CEP152: variants seen among roughly 807,000 people sequenced by gnomAD.
CEP152 encodes the protein centrosomal protein 152, also known as centrosomal protein of 152 kDa.
CEP152 carries 132 observed loss-of-function variants against 188.9 expected under a neutral mutation model. The observed-to-expected ratio is 0.70, with a 90% confidence interval of 0.61 to 0.81. The LOEUF is 0.81. CEP152 is among the 30% of genes least tolerant of loss of function. The pLI, the probability that CEP152 is intolerant of heterozygous loss-of-function variation, is 0.00. For missense variants in CEP152, 1,914 were observed against 1,969.8 expected, an observed-to-expected ratio of 0.97 and a Z score of 0.54; for synonymous variants, 649 against 666.6, an observed-to-expected ratio of 0.97 and a Z score of 0.41.
At position 48,738,685 on chromosome 15, in the gene CEP152, C is replaced by T; in HGVS notation, c.4697G>A (p.Gly1566Glu). ...CCAGCCCAAGCAGTCACTAAGGTCC[C>T]CTCCATCTTTTACTGGAGGTTCCTG... ...DVQEPPVKDG[G>E]DLSDCLGWPS... The change falls in exon 27 of 27, where the codon GGG becomes GAG. Residue 1566 changes from glycine (G) to glutamate (E), a missense_variant. Transcript: ENST00000380950. 2 of 1,614,192 alleles carry T rather than the reference C, an allele frequency of 1.2e-6. No individual in the cohort carries two copies. The highest frequency in any genetic ancestry group is 1.7e-6 in the Non-Finnish European group (2 of 1,180,028).
intron 24 of CEP152, among the ~76,000 whole-genome samples, chr15:48,742,808 T>G (rs949942641): frequency 5.3e-5 from 8 of 152,010 alleles, no homozygotes; most frequent in Admixed American, 2.0e-4. Context: ...AGGCTAACTT[T>G]TATTTTTTTT....
Position 48,769,001 on chromosome 15 carries a change from A to G in CEP152, c.1863T>C (p.Ile621=), listed in dbSNP as rs755730488. ...CTTGAATTTCATTTTTAAGCAGCAG[A>G]ATATCATCTCTGACAACATCAGAAG... The part of the protein sequence containing the change: ...SSTSDVVRDD[I]LLLKNEIQVL... The change falls in exon 14 of 27, where the codon ATT becomes ATC. Residue 621 remains isoleucine (I), a synonymous_variant. Coordinates refer to ENST00000380950, the MANE Select transcript of CEP152 (RefSeq NM_001194998.2). The G allele has an allele frequency of 5.0e-6, 8 of 1,588,800 alleles. No homozygotes were observed. Among genetic ancestry groups the G allele is most frequent in the Non-Finnish European group, 6.9e-6 (8 of 1,159,260 alleles).
At position 48,758,718 on chromosome 15, in the gene CEP152, CAAAAAAAA is replaced by C. The variant is rs869223881; in HGVS notation, c.2694+1409_2694+1416del. Among the ~76,000 whole-genome samples the C allele has an allele frequency of 2.8e-5, 2 of 70,460 alleles. 1 individual carries two copies. The highest frequency in any genetic ancestry group is 1.3e-4 in the African/African-American group (2 of 15,356). 46.2% of individuals were successfully genotyped at this position (70,460 alleles called of 152,430 possible). On this transcript the variant is annotated intron_variant, in intron 19 of 26. Transcript: ENST00000380950. Reference sequence around the variant, plus strand: ...TGGGAAACACAGCAAGACTCCATCTCAAAAAAAAAAAAAAAAAAAGGCAAATTCCCAGG... The same window carrying C: ...TGGGAAACACAGCAAGACTCCATCTCAAAAAAAAAAAGGCAAATTCCCAGG...
intron 5 of CEP152, 75 bp downstream of exon 5, chr15:48,797,226 T>C (rs1897351513): frequency 2.0e-6 from 3 of 1,531,530 alleles, no homozygotes; most frequent in Non-Finnish European, 2.7e-6. Context: ...CACATACATT[T>C]CCTGAACACA....
chr15:48,795,283 A>C (rs1389367724), intron 6 of CEP152, among the ~76,000 whole-genome samples: 1 of 152,172 alleles, frequency 6.6e-6, no homozygotes, highest in Non-Finnish European at 1.5e-5. Context: ...TACAAAAAAA[A>C]CTGGCAAATG....
intron 22 of CEP152, among the ~76,000 whole-genome samples, chr15:48,747,248 G>A (rs1299230012): frequency 1.3e-5 from 2 of 152,118 alleles, no homozygotes; most frequent in Non-Finnish European, 2.9e-5. Flanking sequence ...AGAAAGAAGT[G>A]GATGTACAAA....
intron 1 of CEP152, among the ~76,000 whole-genome samples, chr15:48,808,763 T>C (rs1025784253): frequency 6.6e-6 from 1 of 152,210 alleles, no homozygotes; most frequent in Non-Finnish European, 1.5e-5. Context: ...TATTAATATA[T>C]TGAAAATTAA....
At chr15:48,803,085 T>A (rs1415771968) in intron 2 of CEP152, among the ~76,000 whole-genome samples, 1 of 152,198 alleles carries the variant, frequency 6.6e-6, no homozygotes, top group Non-Finnish European at 1.5e-5. Context: ...TTATAGCACA[T>A]CATCAGGGAT....
At chr15:48,766,927 T>C in intron 17 of CEP152, 133 bp downstream of exon 17, 1 of 1,199,156 alleles carries the variant, frequency 8.3e-7, no homozygotes, top group Non-Finnish European at 1.2e-6. Context: ...ATGAGTGTGA[T>C]ACAGCCAAAA....
chr15:48,762,716 T>A lies in CEP152; in HGVS notation c.2281-44A>T, dbSNP rs377559370. Reference sequence around the variant, plus strand: ...TCATACGAGAAGAACAATTTTCAAATAAGTAAAAACTAGAATTAAAAGCTA... The same window carrying A: ...TCATACGAGAAGAACAATTTTCAAAAAAGTAAAAACTAGAATTAAAAGCTA... On this transcript the variant is annotated intron_variant, in intron 17 of 26. Transcript: ENST00000380950. 5 of 1,594,504 alleles carry A rather than the reference T, an allele frequency of 3.1e-6. No homozygotes were observed. The African/African-American group carries it at 5.4e-5, about 17-fold the overall frequency.
downstream of CEP152, among the ~76,000 whole-genome samples, chr15:48,735,358 G>A (rs1892559693): frequency 6.6e-6 from 1 of 152,172 alleles, no homozygotes. Context: ...AACTTAAACA[G>A]TGCTTAGAGA....
intron 7 of CEP152, among the ~76,000 whole-genome samples, chr15:48,792,371 C>T (rs374030257): frequency 6.6e-6 from 1 of 152,144 alleles, no homozygotes; most frequent in Non-Finnish European, 1.5e-5. Flanking sequence ...GTTCTTCTCT[C>T]AAAATAAATG....
intron 9 of CEP152, among the ~76,000 whole-genome samples, chr15:48,785,415 G>A (rs1488650403): frequency 1.3e-5 from 2 of 151,494 alleles, no homozygotes; most frequent in African/African-American, 4.9e-5. Flanking sequence ...TTCCAGGCCA[G>A]CTTGAGAAAC....
downstream of CEP152, among the ~76,000 whole-genome samples, chr15:48,733,872 GA>G (rs926078403): frequency 1.3e-5 from 2 of 152,030 alleles, no homozygotes; most frequent in Admixed American, 6.5e-5. Flanking sequence ...AATGCTGGAG[GA>G]AAAAAGTCAA....
At chr15:48,809,934 T>C (rs929679792) in intron 1 of CEP152, among the ~76,000 whole-genome samples, 2 of 152,226 alleles carry the variant, frequency 1.3e-5, no homozygotes, top group African/African-American at 4.8e-5. Context: ...GCCACCCTCC[T>C]TCAAGATGCC....
intron 18 of CEP152, 87 bp from the exon 19 acceptor site, chr15:48,760,353 AT>A (rs1272263970): frequency 2.0e-6 from 3 of 1,481,746 alleles, no homozygotes; most frequent in Non-Finnish European, 9.4e-7. Flanking sequence ...TGATTTCAGT[AT>A]TTTATACTGT....
At position 48,741,544 on chromosome 15, in the gene CEP152, T is replaced by C. The variant is rs1892970761; in HGVS notation, c.4093+57A>G. ...CCCTGCCTTCTTCATACTGAAAATA[T>C]TAAATAGCTAAAGAAGAAAAGATAG... On this transcript the variant is annotated intron_variant, in intron 26 of 26. Coordinates refer to ENST00000380950, the MANE Select transcript of CEP152 (RefSeq NM_001194998.2). The C allele has an allele frequency of 1.9e-6, 3 of 1,613,092 alleles. No individual in the cohort carries two copies. In the South Asian group the frequency reaches 3.3e-5, roughly 18 times the overall value.
intron 12 of CEP152, among the ~76,000 whole-genome samples, chr15:48,775,908 T>A (rs1294549252): frequency 8.4e-6 from 1 of 119,002 alleles, no homozygotes; most frequent in Non-Finnish European, 1.7e-5. Context: ...TGAAATAATA[T>A]CTCAATAAAA....
chr15:48,807,955 T>C (rs1375282593), intron 1 of CEP152, among the ~76,000 whole-genome samples: 1 of 152,024 alleles, frequency 6.6e-6, no homozygotes, highest in Non-Finnish European at 1.5e-5. Flanking sequence ...TATTTTAAAT[T>C]CAAAACATGT....
Sources: gnomAD v4.1 joint callset for allele counts (sites outside exome capture counted in the v4.1 genomes callset) on GRCh38, gnomAD v4.1.1 for gene constraint, MANE v1.5 for transcripts, NCBI Gene and HGNC (gene_info 2026-07-23, HGNC 2026-07-21) for gene names.